Variants in WRAP73 observed in about 807,000 individuals in gnomAD.
WRAP73 encodes WD repeat-containing protein WRAP73.
In WRAP73, 55 loss-of-function variants were observed where a neutral mutation model predicts 59.6. The ratio of observed to expected loss-of-function variants is 0.92; its 90% CI spans 0.74 to 1.15. The LOEUF is 1.15. Among genes scored for constraint, WRAP73 ranks in the 50% most tolerant of loss-of-function variants. The pLI is 0.00. For missense variants in WRAP73, 592 were observed against 608.1 expected (o/e 0.97, Z 0.28); for synonymous variants, 265 against 258.2 (o/e 1.03, Z -0.25).
chr1:3,637,174 AG>A (rs1321922894), intron 4 of WRAP73, 76 bp from the exon 5 acceptor site: 21 of 1,225,246 alleles, frequency 1.7e-5, no homozygotes, highest in Non-Finnish European at 2.4e-5. Context: ...GTAATTCACA[AG>A]GAAGGAGGAG....
rs1644576086 is a variant in WRAP73, at chr1:3,635,033, C to G, written c.780G>C (p.Glu260Asp). 6.2e-7 allele frequency: 1 copy of G among 1,614,240 alleles called. No individual in the cohort carries two copies. Among genetic ancestry groups the G allele is most frequent in the Non-Finnish European group, 8.5e-7 (1 of 1,180,046 alleles). Residue 260 changes from glutamate (E) to aspartate (D), a missense_variant, in exon 8 of 12, where the codon GAG becomes GAC. Transcript: ENST00000270708. The part of the protein sequence containing the change: ...LNHVTWKMIT[E>D]FGHPAAINDP... ...CATTAATGGCTGCAGGATGCCCAAA[C>G]TCCGTGATCATTTTCCAAGTCACGT...
chr1:3,643,227 C>T (rs967137457), intron 3 of WRAP73, among the ~76,000 whole-genome samples: 34 of 152,232 alleles, frequency 2.2e-4, no homozygotes, highest in African/African-American at 7.2e-4. Flanking sequence ...AGTACAAGCC[C>T]CTATAAATCA....
At position 3,635,210 on chromosome 1, in the gene WRAP73, C is replaced by A. The variant is rs757465263; in HGVS notation, c.688G>T (p.Ala230Ser). 2 of 1,614,076 alleles carry A rather than the reference C, an allele frequency of 1.2e-6. No homozygotes were observed. Among genetic ancestry groups the A allele is most frequent in the South Asian group, 2.2e-5 (2 of 91,092 alleles). Reference protein sequence around the residue: ...YEWSLGIKSVAWSPSSQFLAV... With the variant: ...YEWSLGIKSVSWSPSSQFLAV... The stretch of plus-strand genomic sequence containing the variant: ...AGGAACTGACTGCTGGGGCTCCAGG[C>A]CACAGACTTGATGCCCAGGGACCAC... The change falls in exon 7 of 12, where the codon GCC (alanine) becomes TCC (serine). Residue 230 changes from alanine (A) to serine (S), a missense_variant. By Grantham distance (99) the Ala-to-Ser change is moderately conservative. Transcript: ENST00000270708.
rs1412088351 is a variant in WRAP73, at chr1:3,633,427, GC to G, written c.892del (p.Ala298ProfsTer23). 1.3e-5 allele frequency: 21 copies of G among 1,612,414 alleles called. No individual in the cohort carries two copies. Among genetic ancestry groups the G allele is most frequent in the Non-Finnish European group, 1.8e-5 (21 of 1,179,642 alleles). On this transcript the variant is annotated frameshift_variant, in exon 9 of 12. Transcript: ENST00000270708. LOFTEE classifies it high-confidence loss of function. ...ACTCTCTGAGCTCGGGAGAGGGCCG[GC>G]CCCGGCCCGGGGCGGCGGGAAGGAG... ...CLSFPPPRAG[A>X]GPLPSSESKY...
chr1:3,632,976 A>G (rs899468358), intron 9 of WRAP73: 1 of 234,832 alleles, frequency 4.3e-6, no homozygotes, highest in African/African-American at 2.4e-5. Flanking sequence ...AGCGATGAGG[A>G]AACAGACACA....
chr1:3,642,904 C>T (rs1644660223), intron 3 of WRAP73, among the ~76,000 whole-genome samples: 1 of 151,952 alleles, frequency 6.6e-6, no homozygotes, highest in Admixed American at 6.5e-5. Flanking sequence ...ATTAGGGAAA[C>T]GCAAACTAAA....
chr1:3,635,347 A>G (rs569920135), intron 6 of WRAP73, 53 bp from the exon 7 acceptor site: 58 of 1,606,376 alleles, frequency 3.6e-5, no homozygotes, highest in Non-Finnish European at 4.9e-5. Flanking sequence ...CGCCAGGAAC[A>G]CACCACAGAC....
At chr1:3,647,315 T>C in intron 2 of WRAP73, 93 bp downstream of exon 2, 2 of 1,365,374 alleles carry the variant, frequency 1.5e-6, no homozygotes, top group East Asian at 2.8e-5. Flanking sequence ...TGCACGGACT[T>C]TTTTTTCAAA....
intron 11 of WRAP73, 162 bp downstream of exon 11, chr1:3,631,304 G>A (rs886899569): frequency 1.9e-5 from 24 of 1,293,750 alleles, no homozygotes; most frequent in African/African-American, 6.0e-5. Flanking sequence ...TGAGGGCAGC[G>A]GGTCCCCTGT....
At chr1:3,641,563 G>A (rs578003190) in intron 3 of WRAP73, among the ~76,000 whole-genome samples, 2 of 152,340 alleles carry the variant, frequency 1.3e-5, no homozygotes, top group South Asian at 2.1e-4. Context: ...TGCTCGCCCC[G>A]CAGCAGGCAC....
At position 3,646,164 on chromosome 1, in the gene WRAP73, GCAGA is replaced by G. The variant is rs1644689696; in HGVS notation, c.339+498_339+501del. ...CACCTCAGTCATCAGACCCAGGGCAGCAGACAGTGCCTGTGTTCACGACACCCTT... is the reference window on the plus strand; with the variant it reads ...CACCTCAGTCATCAGACCCAGGGCAGCAGTGCCTGTGTTCACGACACCCTT... On this transcript the variant is annotated intron_variant, in intron 3 of 11. Transcript: ENST00000270708. This position sits in a 1 kb window ranked among gnomAD's most constrained non-coding sequence, Gnocchi z 5.1. 2.0e-5 allele frequency among the ~76,000 whole-genome samples: 3 copies of G among 152,202 alleles called. No individual in the cohort carries two copies. Among genetic ancestry groups the G allele is most frequent in the Admixed American group, 2.0e-4 (3 of 15,282 alleles).
At position 3,646,529 on chromosome 1, in the gene WRAP73, TG is replaced by T; in HGVS notation, c.339+136del. The T allele has an allele frequency of 1.5e-6, 1 of 650,602 alleles. No homozygotes were observed. Among genetic ancestry groups the T allele is most frequent in the Non-Finnish European group, 2.7e-6 (1 of 371,962 alleles). The allele number at this position is 650,602 out of a possible 1,614,324, so 40.3% of individuals were successfully genotyped here. ...GTTTGGTACAATCTGAATCCCCTGGTGGTCTTAGAATGCATCCCCTGAGGAT... is the reference window on the plus strand; with the variant it reads ...GTTTGGTACAATCTGAATCCCCTGGTGTCTTAGAATGCATCCCCTGAGGAT... On this transcript the variant is annotated intron_variant, in intron 3 of 11. Transcript: ENST00000270708. This position sits in a 1 kb window ranked among gnomAD's most constrained non-coding sequence, Gnocchi z 5.1.
intron 3 of WRAP73, among the ~76,000 whole-genome samples, chr1:3,645,463 AGCGGGACG>A (rs1178011879): frequency 2.7e-5 from 4 of 147,412 alleles, no homozygotes; most frequent in Non-Finnish European, 4.5e-5. Flanking sequence ...TGCGCCGTGC[AGCGGGACG>A]GGCGGGTTGC....
At chr1:3,631,995 G>A (rs1409018703) in intron 10 of WRAP73, 5 of 1,437,618 alleles carry the variant, frequency 3.5e-6, no homozygotes, top group South Asian at 1.5e-5. Flanking sequence ...AGTGAGCAGG[G>A]TGGAGGCCTC....
rs1410368797 is a variant in WRAP73, at chr1:3,632,227, A to C, written c.1034T>G (p.Leu345Arg). 6.2e-7 allele frequency: 1 copy of C among 1,613,824 alleles called. No homozygotes were observed. The highest frequency in any genetic ancestry group is 1.7e-4 in the Middle Eastern group (1 of 6,060). ...MLAFSPDSYF[L>R]ATRNDNIPNA... ...GCACAACTGACCGTTCCTTGTCGCC[A>C]GGAAGTAGCTGTCAGGACTAAATGC... The change falls in exon 10 of 12, where the codon CTG becomes CGG. Residue 345 changes from leucine (L) to arginine (R), a missense_variant. Leu to Arg is a moderately radical substitution (Grantham distance 102). Transcript: ENST00000270708.
intron 5 of WRAP73, 62 bp downstream of exon 5, chr1:3,636,933 A>T: frequency 6.7e-7 from 1 of 1,502,336 alleles, no homozygotes; most frequent in Non-Finnish European, 9.2e-7. Context: ...GGAAGGATCT[A>T]CTTCACTCGA....
intron 9 of WRAP73, 123 bp downstream of exon 9, chr1:3,633,275 T>C: frequency 1.1e-6 from 1 of 905,812 alleles, no homozygotes; most frequent in East Asian, 2.4e-5. Context: ...GCACACTGGC[T>C]GGAAGCATGG....
Position 3,637,084 on chromosome 1 carries a change from T to C in WRAP73, c.427A>G (p.Arg143Gly). The C allele has an allele frequency of 6.2e-7, 1 of 1,610,004 alleles. No homozygotes were observed. Among genetic ancestry groups the C allele is most frequent in the Non-Finnish European group, 8.5e-7 (1 of 1,178,698 alleles). The stretch of plus-strand genomic sequence containing the variant: ...GCCAGCGCCATGTAGCGGCCGTCCC[T>C]GGTGAAGGTGATTCCTGTGGGAAGA... ...KACLQGITFTRDGRYMALAER... is the reference protein window; with the variant it reads ...KACLQGITFTGDGRYMALAER... The change falls in exon 5 of 12, where the codon AGG becomes GGG. Residue 143 changes from arginine (R) to glycine (G), a missense_variant. Coordinates refer to ENST00000270708, the MANE Select transcript of WRAP73 (RefSeq NM_017818.4).
At chr1:3,647,648 C>A (rs1644704719) in intron 1 of WRAP73, 88 bp from the exon 2 acceptor site, 2 of 1,434,346 alleles carry the variant, frequency 1.4e-6, no homozygotes, top group Non-Finnish European at 1.9e-6. Context: ...CCTTCAGTGA[C>A]TGTGGCCTTC....
Sources: gnomAD v4.1 joint callset for allele counts (sites outside exome capture counted in the v4.1 genomes callset) on GRCh38, gnomAD v4.1.1 for gene constraint, Gnocchi (gnomAD v3.1) non-coding constraint, MANE v1.5 for transcripts, NCBI Gene and HGNC (gene_info 2026-07-23, HGNC 2026-07-21) for gene names.